The following KTN1 variants were observed in gnomAD, a reference collection of about 807,000 sequenced individuals.
KTN1 encodes the protein kinectin 1.
Under a neutral mutation model 222.5 loss-of-function variants are expected in KTN1, and 130 were observed. The ratio of observed to expected loss-of-function variants is 0.58; its 90% confidence interval spans 0.51 to 0.68. The LOEUF (loss-of-function observed/expected upper bound fraction) is 0.68, where lower values mean the gene tolerates loss of function less well. Ranked by LOEUF, KTN1 falls within the 30% of genes least tolerant of loss-of-function variation. The probability of loss-of-function intolerance (pLI) is 0.00; values close to 1 mark genes in which losing one functional copy is unlikely to be tolerated. For synonymous variants in KTN1, 512 were observed against 496.3 expected, an observed-to-expected ratio of 1.03 and a Z score of -0.42; for missense variants, 1,508 against 1,500.4, an observed-to-expected ratio of 1.01 and a Z score of -0.08.
intron 5 of KTN1, among the ~76,000 whole-genome samples, chr14:55,623,769 A>G (rs2039458720): frequency 6.6e-6 from 1 of 152,228 alleles, no homozygotes; most frequent in African/African-American, 2.4e-5. Flanking sequence ...GATTGGGAAA[A>G]GCTCCTAGCA....
At chr14:55,661,773 T>C in intron 32 of KTN1, 161 bp downstream of exon 32, 1 of 425,010 alleles carries the variant, frequency 2.4e-6, no homozygotes, top group East Asian at 3.5e-5. Context: ...CGGGGCATTA[T>C]TGGAGAACAG....
intron 1 of KTN1, among the ~76,000 whole-genome samples, chr14:55,602,819 G>A (rs75115817): frequency 0.077 from 11,685 of 152,124 alleles, 500 homozygotes; most frequent in South Asian, 0.12. Flanking sequence ...GGCTCAAGCA[G>A]TCCTTTCTCC....
chr14:55,653,494 T>G, intron 27 of KTN1, 65 bp from the exon 28 acceptor site: 1 of 1,235,128 alleles, frequency 8.1e-7, no homozygotes, highest in Non-Finnish European at 1.2e-6. Context: ...TCCATATATA[T>G]GTTTTAGCAC....
intron 43 of KTN1, 39 bp downstream of exon 43, chr14:55,679,724 A>T: frequency 6.3e-7 from 1 of 1,592,054 alleles, no homozygotes; most frequent in Non-Finnish European, 8.6e-7. Context: ...TGGGTAATTG[A>T]TGTTATGTGT....
chr14:55,644,190 G>T, intron 18 of KTN1: 45 of 392,996 alleles, frequency 1.1e-4, no homozygotes, highest in Admixed American at 1.6e-4. Flanking sequence ...TGCTGCTAGT[G>T]AAAGAAGAGA....
In KTN1 at chr14:55,664,195, A is replaced by T. The variant is rs532643605; in HGVS notation, c.3177+154A>T. 1.1e-4 allele frequency among the ~76,000 whole-genome samples: 16 copies of T among 151,786 alleles called. 1 individual carries two copies. In the South Asian group the frequency reaches 3.1e-3, roughly 30 times the overall value. On this transcript the variant is annotated intron_variant, in intron 33 of 43. Transcript: ENST00000395314. ...TCTATCATCTCTGCTTTTTTCATCT[A>T]CTCCTTGAAGCTTTAATTTTGGGCA... is the stretch of plus-strand genomic sequence containing the variant.
chr14:55,640,989 A>G lies in KTN1; in HGVS notation c.2021+19A>G, dbSNP rs2041742820. The G allele has an allele frequency of 6.3e-7, 1 of 1,590,820 alleles. No homozygotes were observed. Reference sequence around the variant, plus strand: ...AACAAAGGTGACTAAAGTATTGTACATCTAGTCGTTCATACATTTATGTTT... The same window carrying G: ...AACAAAGGTGACTAAAGTATTGTACGTCTAGTCGTTCATACATTTATGTTT... On this transcript the variant is annotated intron_variant, in intron 16 of 43. Transcript: ENST00000395314.
At chr14:55,670,318 T>C (rs2045330363) in intron 34 of KTN1, among the ~76,000 whole-genome samples, 1 of 152,082 alleles carries the variant, frequency 6.6e-6, no homozygotes, top group African/African-American at 2.4e-5. Flanking sequence ...CTCAAAATAC[T>C]TCATTTTTGA....
chr14:55,614,660 T>C (rs2038085432), intron 2 of KTN1, among the ~76,000 whole-genome samples: 1 of 152,228 alleles, frequency 6.6e-6, no homozygotes, highest in Non-Finnish European at 1.5e-5. Flanking sequence ...AAAGTGTTTT[T>C]ATATGCAGCT....
rs185333514 is a variant in KTN1, at chr14:55,583,412, C to G, written c.-31+3058C>G. ...TAATATTCCTCGGAAATGTAGAAGACATACCCTAAAAAAAGTTATGATTTA... is the reference window on the plus strand; with the variant it reads ...TAATATTCCTCGGAAATGTAGAAGAGATACCCTAAAAAAAGTTATGATTTA... On this transcript the variant is annotated intron_variant, in intron 1 of 43. Transcript: ENST00000395314. 4.4e-4 allele frequency among the ~76,000 whole-genome samples: 66 copies of G among 150,476 alleles called. 1 individual carries two copies. The highest frequency in any genetic ancestry group is 4.6e-4 in the Non-Finnish European group (31 of 67,996).
At chr14:55,672,457 T>C in intron 37 of KTN1, 173 bp from the exon 38 acceptor site, 2 of 523,912 alleles carry the variant, frequency 3.8e-6, no homozygotes, top group Non-Finnish European at 6.8e-6. Context: ...TGGACCACAA[T>C]TTAAATCAAG....
intron 29 of KTN1, among the ~76,000 whole-genome samples, chr14:55,657,961 T>C (rs2141189327): frequency 6.6e-6 from 1 of 152,010 alleles, no homozygotes; most frequent in South Asian, 2.1e-4. Flanking sequence ...ATAATTCTTT[T>C]TGTTTGTTTG....
At chr14:55,669,045 G>T (rs2045187975) in intron 34 of KTN1, among the ~76,000 whole-genome samples, 1 of 151,950 alleles carries the variant, frequency 6.6e-6, no homozygotes, top group Non-Finnish European at 1.5e-5. Flanking sequence ...TAAGAGAAAG[G>T]GTTGCTATTA....
In KTN1 at chr14:55,679,455, G is replaced by A. The variant is rs1595342741; in HGVS notation, c.3949-110G>A. On this transcript the variant is annotated intron_variant, in intron 42 of 43. Coordinates refer to ENST00000395314, the MANE Select transcript of KTN1 (RefSeq NM_001079521.2). ...TTGTTGATTTTCATGTCATTGTTCA[G>A]ATTTTTTAATGTTTGTGTTTAAATC... The A allele has an allele frequency of 1.3e-5, 12 of 889,204 alleles. No homozygotes were observed. In the East Asian group the frequency reaches 3.1e-4, roughly 23 times the overall value. 55.1% of individuals were successfully genotyped at this position (889,204 alleles called of 1,614,324 possible). A position where few individuals can be genotyped will look rare whatever the true frequency, so the allele number is the denominator to read the frequency against.
At chr14:55,678,128 T>C (rs2046041865) in intron 41 of KTN1, among the ~76,000 whole-genome samples, 1 of 152,248 alleles carries the variant, frequency 6.6e-6, no homozygotes, top group African/African-American at 2.4e-5. Flanking sequence ...TATTTCTGTT[T>C]TTAAATTTCT....
At chr14:55,621,339 A>G (rs866646788) in intron 5 of KTN1, among the ~76,000 whole-genome samples, 8 of 152,224 alleles carry the variant, frequency 5.3e-5, no homozygotes, top group South Asian at 2.1e-4. Context: ...AGTCACATCC[A>G]CATTTTCGGG....
At chr14:55,582,379 A>G (rs1468850013) in intron 1 of KTN1, among the ~76,000 whole-genome samples, 1 of 152,168 alleles carries the variant, frequency 6.6e-6, no homozygotes, top group Non-Finnish European at 1.5e-5. Flanking sequence ...TATTTTTAAT[A>G]TCAGTCAATA....
At chr14:55,658,395 A>T (rs1467890740) in intron 29 of KTN1, 151 bp from the exon 30 acceptor site, 5 of 594,950 alleles carry the variant, frequency 8.4e-6, no homozygotes, top group Non-Finnish European at 1.5e-5. Flanking sequence ...TAATTTCATC[A>T]TATGTTTTAA....
rs950425855 is a variant in KTN1 at position 55,641,814 on chromosome 14, G to T, written c.2172+54G>T. On this transcript the variant is annotated intron_variant, in intron 18 of 43. Coordinates refer to ENST00000395314, the MANE Select transcript of KTN1 (RefSeq NM_001079521.2). ...AAATACTTGTTATATAACAAGATCT[G>T]GTTCTTCTTATTTAGGTACCAAATT... 5 of 1,108,074 alleles carry T rather than the reference G, an allele frequency of 4.5e-6. No homozygotes were observed. The African/African-American group carries it at 7.9e-5, about 17-fold the overall frequency. The allele number at this position is 1,108,074 out of a possible 1,614,324, so 68.6% of individuals were successfully genotyped here.
Sources: gnomAD v4.1 joint callset for allele counts (sites outside exome capture counted in the v4.1 genomes callset) on GRCh38, gnomAD v4.1.1 for gene constraint, MANE v1.5 for transcripts, NCBI Gene and HGNC (gene_info 2026-07-23, HGNC 2026-07-21) for gene names.